The following EPHA6 variants were observed in gnomAD, a reference collection of about 807,000 sequenced individuals.
EPHA6 encodes EPH receptor A6, also known as ephrin type-A receptor 6.
EPHA6 carries 50 observed loss-of-function variants against 112.0 expected under a neutral mutation model. That is an observed-to-expected ratio of 0.45 (90% CI 0.36 to 0.56). The LOEUF is 0.56. EPHA6 is among the 20% of genes least tolerant of loss of function. EPHA6 has a pLI of 0.00. For synonymous variants in EPHA6, 529 were observed against 490.7 expected (o/e 1.08, Z -1.03); for missense variants, 1,280 against 1,417.4 (o/e 0.90, Z 1.56).
chr3:97,545,998 A>G (rs1287101108), intron 11 of EPHA6, among the ~76,000 whole-genome samples: 1 of 152,142 alleles, frequency 6.6e-6, no homozygotes, highest in African/African-American at 2.4e-5. Context: ...CAGCACACTG[A>G]TGGGTCTTGA....
At chr3:97,596,875 A>AAAATATATATATATATAT (rs570033415) in intron 12 of EPHA6, among the ~76,000 whole-genome samples, 9 of 100,374 alleles carry the variant, frequency 9.0e-5, no homozygotes, top group African/African-American at 5.1e-4. Context: ...ATATCTATGG[A>AAAATATATATATATATAT]ATATATATAT....
At chr3:97,642,555 G>T (rs1368732158) in intron 14 of EPHA6, among the ~76,000 whole-genome samples, 2 of 150,174 alleles carry the variant, frequency 1.3e-5, no homozygotes, top group Non-Finnish European at 1.5e-5. Flanking sequence ...AAATTTAGAA[G>T]AATGTATAAC....
chr3:97,491,268 T>C (rs1485601742), intron 10 of EPHA6, among the ~76,000 whole-genome samples: 1 of 152,194 alleles, frequency 6.6e-6, no homozygotes, highest in Non-Finnish European at 1.5e-5. Flanking sequence ...TGTTTCATTA[T>C]GTTTGGGGCT....
chr3:97,409,593 T>A (rs1285800305), intron 6 of EPHA6, among the ~76,000 whole-genome samples: 1 of 152,004 alleles, frequency 6.6e-6, no homozygotes, highest in Non-Finnish European at 1.5e-5. Flanking sequence ...GACAAACACT[T>A]CATTACTCTC....
chr3:97,112,757 T>C (rs1043845840), intron 3 of EPHA6, among the ~76,000 whole-genome samples: 1 of 152,146 alleles, frequency 6.6e-6, no homozygotes, highest in Non-Finnish European at 1.5e-5. Context: ...TGTCTATTGC[T>C]AATAGGCTTC....
At chr3:97,741,511 C>T (rs1307368068) in intron 16 of EPHA6, among the ~76,000 whole-genome samples, 1 of 152,028 alleles carries the variant, frequency 6.6e-6, no homozygotes, top group Non-Finnish European at 1.5e-5. Context: ...TACTATGTGC[C>T]AGTTGTGGTA....
intron 2 of EPHA6, among the ~76,000 whole-genome samples, chr3:96,983,146 C>G (rs1290285892): frequency 6.6e-6 from 1 of 152,074 alleles, no homozygotes; most frequent in African/African-American, 2.4e-5. Flanking sequence ...TCTTCCTAGC[C>G]TCGATGGTCT....
intron 14 of EPHA6, among the ~76,000 whole-genome samples, chr3:97,672,917 A>T (rs1406073385): frequency 6.6e-6 from 1 of 152,110 alleles, no homozygotes; most frequent in African/African-American, 2.4e-5. Flanking sequence ...ATTTATTAGC[A>T]CTCCAAAGTG....
At chr3:97,422,252 A>T (rs2088719912) in intron 6 of EPHA6, among the ~76,000 whole-genome samples, 1 of 152,086 alleles carries the variant, frequency 6.6e-6, no homozygotes, top group Non-Finnish European at 1.5e-5. Context: ...AAGGAGTAGT[A>T]TCCAAAATAC....
At chr3:97,049,554 G>A (rs1415273215) in intron 3 of EPHA6, among the ~76,000 whole-genome samples, 1 of 152,188 alleles carries the variant, frequency 6.6e-6, no homozygotes, top group African/African-American at 2.4e-5. Flanking sequence ...TCTTCACCCA[G>A]AGCTTATTGA....
intron 3 of EPHA6, among the ~76,000 whole-genome samples, chr3:97,036,003 C>T (rs921411840): frequency 6.6e-6 from 1 of 151,960 alleles, no homozygotes. Context: ...CTCCAGAATG[C>T]TTCCTTGTCC....
At chr3:97,117,448 T>A (rs1248366298) in intron 3 of EPHA6, among the ~76,000 whole-genome samples, 2 of 151,794 alleles carry the variant, frequency 1.3e-5, no homozygotes, top group East Asian at 3.9e-4. Flanking sequence ...AGTTTTACAG[T>A]TTCAGTATGT....
chr3:97,086,473 A>C (rs926650483), intron 3 of EPHA6, among the ~76,000 whole-genome samples: 3 of 152,110 alleles, frequency 2.0e-5, no homozygotes, highest in Non-Finnish European at 2.9e-5. Context: ...TATATTTCAC[A>C]TATTAAGTTT....
At chr3:97,594,960 C>G (rs1196628297) in intron 12 of EPHA6, among the ~76,000 whole-genome samples, 3 of 152,132 alleles carry the variant, frequency 2.0e-5, no homozygotes, top group Admixed American at 6.5e-5. Context: ...ATTTAAAAAC[C>G]TGTTCTATTG....
intron 1 of EPHA6, among the ~76,000 whole-genome samples, chr3:96,826,705 TATTTCCAAATATTTTTCCCAA>T (rs151165295): frequency 0.045 from 6,925 of 152,204 alleles, 202 homozygotes; most frequent in Middle Eastern, 0.075. Context: ...TATCTCACGT[TATTTCCAAATATTTTTCCCAA>T]GCTGTCTTTT....
At chr3:97,202,022 C>A (rs80017650) in intron 3 of EPHA6, among the ~76,000 whole-genome samples, 1,721 of 152,178 alleles carry the variant, frequency 0.011, 24 homozygotes, top group African/African-American at 0.038. Context: ...GTTTTTACAT[C>A]TGAGGGTTCT....
intron 12 of EPHA6, among the ~76,000 whole-genome samples, chr3:97,604,169 T>G (rs983617945): frequency 6.6e-6 from 1 of 151,756 alleles, no homozygotes; most frequent in Non-Finnish European, 1.5e-5. Context: ...AATATGCCAA[T>G]GAGAAATATA....
chr3:97,672,951 G>A (rs2030997815), intron 14 of EPHA6, among the ~76,000 whole-genome samples: 1 of 152,136 alleles, frequency 6.6e-6, no homozygotes, highest in Admixed American at 6.6e-5. Flanking sequence ...GTAGTGAGAA[G>A]GAAATGGAAA....
intron 5 of EPHA6, among the ~76,000 whole-genome samples, chr3:97,257,133 A>C (rs1261872815): frequency 6.6e-6 from 1 of 151,998 alleles, no homozygotes; most frequent in Admixed American, 6.6e-5. Flanking sequence ...TTCCAAATCA[A>C]ATCATTAACT....
Sources: allele counts gnomAD v4.1 joint callset (sites outside exome capture counted in the v4.1 genomes callset), GRCh38; gene constraint gnomAD v4.1.1; transcripts MANE v1.5; gene names NCBI Gene and HGNC (gene_info 2026-07-23, HGNC 2026-07-21).